PDE10A: variants seen among roughly 807,000 people sequenced by gnomAD.
PDE10A encodes phosphodiesterase 10A.
Under a neutral mutation model 97.7 loss-of-function variants are expected in PDE10A, and 39 were observed. The ratio of observed to expected loss-of-function variants is 0.40; its 90% CI spans 0.31 to 0.52. The LOEUF (loss-of-function observed/expected upper bound fraction) is 0.52. Ranked by LOEUF, PDE10A falls within the 20% of genes least tolerant of loss-of-function variation. PDE10A has a pLI of 0.56. For synonymous variants in PDE10A, 371 were observed against 376.8 expected, an observed-to-expected ratio of 0.98 and a Z score of 0.18; for missense variants, 731 against 1,047.8, an observed-to-expected ratio of 0.70 and a Z score of 4.17.
chr6:165,442,347 T>C (rs879394049), intron 5 of PDE10A, among the ~76,000 whole-genome samples: 4 of 151,042 alleles, frequency 2.6e-5, no homozygotes, highest in Admixed American at 6.6e-5. Context: ...CCTGTGTCCA[T>C]GTGTCCTCAT....
At chr6:165,883,796 C>T (rs747938989) in intron 1 of PDE10A, among the ~76,000 whole-genome samples, 7 of 152,120 alleles carry the variant, frequency 4.6e-5, no homozygotes, top group Non-Finnish European at 1.0e-4. Flanking sequence ...ACAGTCAGCA[C>T]TGATCTACCC....
At chr6:165,907,770 G>C (rs1345773289) in intron 1 of PDE10A, among the ~76,000 whole-genome samples, 1 of 151,682 alleles carries the variant, frequency 6.6e-6, no homozygotes, top group Non-Finnish European at 1.5e-5. Flanking sequence ...AGAGCAGCAT[G>C]GATGAGGGCT....
At chr6:165,951,723 A>AT (rs1783968339) in intron 1 of PDE10A, among the ~76,000 whole-genome samples, 1 of 151,930 alleles carries the variant, frequency 6.6e-6, no homozygotes, top group Non-Finnish European at 1.5e-5. Context: ...TTCTAGTTTA[A>AT]TTTTTTAGGC....
At chr6:165,712,149 A>G (rs1015868224) in intron 1 of PDE10A, among the ~76,000 whole-genome samples, 1 of 152,110 alleles carries the variant, frequency 6.6e-6, no homozygotes, top group African/African-American at 2.4e-5. Flanking sequence ...TGGAGGAGGA[A>G]AAGGGTTCTA....
intron 1 of PDE10A, among the ~76,000 whole-genome samples, chr6:165,812,704 C>T (rs934190849): frequency 6.6e-6 from 1 of 152,096 alleles, no homozygotes; most frequent in South Asian, 2.1e-4. Flanking sequence ...TATATGTTCT[C>T]CAGATATTAC....
intron 1 of PDE10A, among the ~76,000 whole-genome samples, chr6:165,747,367 T>C (rs559856264): frequency 7.2e-5 from 11 of 152,274 alleles, no homozygotes; most frequent in African/African-American, 2.6e-4. Flanking sequence ...TTGTAAACAC[T>C]GGTATGGGGC....
intron 1 of PDE10A, among the ~76,000 whole-genome samples, chr6:165,899,436 G>T (rs1380614538): frequency 6.6e-6 from 1 of 152,152 alleles, no homozygotes; most frequent in Non-Finnish European, 1.5e-5. Context: ...AGAGTCACTG[G>T]GCCAGAGGAT....
intron 1 of PDE10A, among the ~76,000 whole-genome samples, chr6:165,679,506 C>T (rs1790917652): frequency 6.6e-6 from 1 of 152,204 alleles, no homozygotes; most frequent in Non-Finnish European, 1.5e-5. Context: ...TGTGGCACCG[C>T]CCCCTCCTCC....
At chr6:165,361,880 T>G (rs1446860670) in intron 18 of PDE10A, among the ~76,000 whole-genome samples, 1 of 152,212 alleles carries the variant, frequency 6.6e-6, no homozygotes, top group Non-Finnish European at 1.5e-5. Flanking sequence ...TCTATTGTTT[T>G]AAGCCATCTG....
At chr6:165,515,157 T>G (rs947061241) in intron 2 of PDE10A, among the ~76,000 whole-genome samples, 2 of 152,200 alleles carry the variant, frequency 1.3e-5, no homozygotes, top group African/African-American at 4.8e-5. Flanking sequence ...ACTATATTTT[T>G]CAGAAGCTAC....
chr6:165,478,520 C>A (rs888425233), intron 3 of PDE10A, among the ~76,000 whole-genome samples: 1 of 152,150 alleles, frequency 6.6e-6, no homozygotes, highest in African/African-American at 2.4e-5. Flanking sequence ...CTTTTTGTAG[C>A]TATAAGACAT....
intron 10 of PDE10A, among the ~76,000 whole-genome samples, chr6:165,424,503 C>T (rs553015181): frequency 6.1e-4 from 93 of 152,106 alleles, no homozygotes; most frequent in African/African-American, 2.0e-3. Context: ...CAATAAGACT[C>T]TAATGGGGTC....
intron 19 of PDE10A, among the ~76,000 whole-genome samples, chr6:165,340,920 T>C (rs747649553): frequency 2.0e-5 from 3 of 152,190 alleles, no homozygotes; most frequent in Non-Finnish European, 2.9e-5. Context: ...TCCGAATTAT[T>C]ATCATCCCTA....
chr6:165,590,178 G>C (rs1409716712), intron 1 of PDE10A, among the ~76,000 whole-genome samples: 1 of 152,158 alleles, frequency 6.6e-6, no homozygotes, highest in Non-Finnish European at 1.5e-5. Context: ...CTAGAGGGCA[G>C]GTTATACTGA....
At chr6:165,577,666 G>C (rs1785385039) in intron 1 of PDE10A, among the ~76,000 whole-genome samples, 1 of 152,202 alleles carries the variant, frequency 6.6e-6, no homozygotes, top group Non-Finnish European at 1.5e-5. Context: ...CCTGCTATGA[G>C]TCCCTGCCTC....
chr6:165,873,128 C>T (rs1417503595), intron 1 of PDE10A, among the ~76,000 whole-genome samples: 1 of 152,162 alleles, frequency 6.6e-6, no homozygotes, highest in African/African-American at 2.4e-5. Context: ...GGGGAGCAGC[C>T]AGATCCCCCC....
rs200615367 is a variant in PDE10A, at chr6:165,379,351, T to C, written c.2626A>G (p.Ile876Val). 2 of 1,611,308 alleles carry C rather than the reference T, an allele frequency of 1.2e-6. No individual in the cohort carries two copies. Among genetic ancestry groups the C allele is most frequent in the Non-Finnish European group, 1.7e-6 (2 of 1,179,242 alleles). Residue 876 changes from isoleucine to valine, a missense_variant, in exon 18 of 22, where the codon ATC (isoleucine) becomes GTC (valine). By Grantham distance (29) the Ile-to-Val change is conservative (BLOSUM62 3). Coordinates refer to ENST00000539869, the MANE Select transcript of PDE10A (RefSeq NM_001385079.1). ...TCACTGGAGCTCAGAGTGGAGAAGA[T>C]ATTGTGCCCTTCCAACTAGGGAAAA... is the stretch of plus-strand genomic sequence containing the variant. ...VSILQLEGHN[I>V]FSTLSSSEYE...
rs60728362 is a variant in PDE10A at position 165,758,516 on chromosome 6, G to GAAAGAAGA, written c.-614-214949_-614-214948insTCTTCTTT. Among the ~76,000 whole-genome samples, 239 of 141,680 alleles carry GAAAGAAGA rather than the reference G, an allele frequency of 1.7e-3. 2 individuals carry two copies. The highest frequency in any genetic ancestry group is 4.3e-3 in the African/African-American group (169 of 39,198). 92.9% of individuals were successfully genotyped at this position (141,680 alleles called of 152,430 possible). On this transcript the variant is annotated intron_variant, in intron 1 of 19. Transcript: ENST00000366882. The stretch of plus-strand genomic sequence containing the variant: ...AGAAGAAAGAAGAAAGAAGAAAGAA[G>GAAAGAAGA]AAGAAGAAGAAGAAGAGGAAGAGGA...
intron 1 of PDE10A, among the ~76,000 whole-genome samples, chr6:165,840,192 C>G (rs928996980): frequency 6.7e-6 from 1 of 148,904 alleles, no homozygotes; most frequent in Non-Finnish European, 1.5e-5. Flanking sequence ...TCATCTTTAT[C>G]CCATCCCCAT....
Sources: gnomAD v4.1 joint callset for allele counts (sites outside exome capture counted in the v4.1 genomes callset) on GRCh38, gnomAD v4.1.1 for gene constraint, MANE v1.5 for transcripts, NCBI Gene and HGNC (gene_info 2026-07-23, HGNC 2026-07-21) for gene names.